The following ASCC1 variants were observed in gnomAD, a reference collection of about 807,000 sequenced individuals.
ASCC1 encodes the protein ASC-1 complex subunit P50.
Under a neutral mutation model 46.6 loss-of-function variants are expected in ASCC1, and 35 were observed. The ratio of observed to expected loss-of-function variants is 0.75; its 90% CI spans 0.57 to 0.99. ASCC1 has a LOEUF of 0.99. Among genes scored for constraint, ASCC1 ranks in the 50% least tolerant of loss-of-function variants. The pLI is 0.00. For synonymous variants in ASCC1, 143 were observed against 146.6 expected, an observed-to-expected ratio of 0.98 and a Z score of 0.18; for missense variants, 376 against 428.7, an observed-to-expected ratio of 0.88 and a Z score of 1.09.
chr10:72,138,329 C>T (rs991260024), intron 7 of ASCC1, among the ~76,000 whole-genome samples: 2 of 152,084 alleles, frequency 1.3e-5, no homozygotes, highest in Non-Finnish European at 1.5e-5. Context: ...ACATGAAACA[C>T]GAAGCATGAA....
At chr10:72,138,658 C>T (rs1846576138) in intron 7 of ASCC1, among the ~76,000 whole-genome samples, 1 of 134,800 alleles carries the variant, frequency 7.4e-6, no homozygotes, top group African/African-American at 2.9e-5. Flanking sequence ...GGCTGGAGTG[C>T]AGTGGCGCAA....
At chr10:72,160,077 T>G (rs1849462724) in intron 6 of ASCC1, among the ~76,000 whole-genome samples, 1 of 152,066 alleles carries the variant, frequency 6.6e-6, no homozygotes, top group African/African-American at 2.4e-5. Context: ...GCTAATTTTT[T>G]GCATTTTTAG....
At position 72,163,312 on chromosome 10, in the gene ASCC1, A is replaced by G. The variant is rs1849929447; in HGVS notation, c.490-1638T>C. Among the ~76,000 whole-genome samples, 3 of 152,196 alleles carry G rather than the reference A, an allele frequency of 2.0e-5. No homozygotes were observed. In the South Asian group the frequency reaches 6.2e-4, roughly 31 times the overall value. ...GAAAAAGGGACTCAAATACATGTAC[A>G]TGCATGTTTCCAGAAGCACTACTCA... On this transcript the variant is annotated intron_variant, in intron 5 of 9. Transcript: ENST00000672957.
intron 4 of ASCC1, among the ~76,000 whole-genome samples, chr10:72,197,442 T>G (rs1407938809): frequency 1.7e-5 from 2 of 117,472 alleles, no homozygotes; most frequent in Non-Finnish European, 3.2e-5. Flanking sequence ...CACTCCAGCC[T>G]GGGCAATAGA....
chr10:72,178,679 G>A (rs532564228), intron 5 of ASCC1, among the ~76,000 whole-genome samples: 4 of 152,252 alleles, frequency 2.6e-5, no homozygotes, highest in African/African-American at 4.8e-5. Flanking sequence ...TGGGTCTTCC[G>A]ACCTGCAGTA....
At chr10:72,109,415 T>TTGTAG in intron 9 of ASCC1, among the ~76,000 whole-genome samples, 1 of 152,166 alleles carries the variant, frequency 6.6e-6, no homozygotes, top group Non-Finnish European at 1.5e-5. Flanking sequence ...GAACAGCAAC[T>TTGTAG]TCCCCTCACT....
intron 5 of ASCC1, among the ~76,000 whole-genome samples, chr10:72,187,875 C>T (rs1757950090): frequency 1.3e-5 from 2 of 151,358 alleles, no homozygotes; most frequent in South Asian, 4.2e-4. Context: ...ATCGCTTGAA[C>T]CCAGGAGGCA....
intron 9 of ASCC1, among the ~76,000 whole-genome samples, chr10:72,113,327 T>C (rs1843132431): frequency 6.6e-6 from 1 of 152,190 alleles, no homozygotes; most frequent in Non-Finnish European, 1.5e-5. Context: ...AGTATTCCAG[T>C]CCCACTGCAA....
intron 6 of ASCC1, 29 bp from the exon 7 acceptor site, chr10:72,153,017 A>T: frequency 6.2e-7 from 1 of 1,613,700 alleles, no homozygotes; most frequent in Non-Finnish European, 8.5e-7. Flanking sequence ...TAAGATATCT[A>T]TAACTGTTTA....
At chr10:72,104,024 T>C (rs1842081367) in intron 9 of ASCC1, among the ~76,000 whole-genome samples, 1 of 152,192 alleles carries the variant, frequency 6.6e-6, no homozygotes, top group Admixed American at 6.5e-5. Flanking sequence ...CTCTTATTAA[T>C]CTGACTTTTG....
intron 5 of ASCC1, among the ~76,000 whole-genome samples, chr10:72,185,181 T>C (rs1165854278): frequency 6.6e-6 from 1 of 152,218 alleles, no homozygotes; most frequent in East Asian, 1.9e-4. Context: ...TTTGTAGCAG[T>C]GTAAAAGGGC....
chr10:72,129,042 G>A (rs1389784156), intron 8 of ASCC1, among the ~76,000 whole-genome samples: 1 of 152,016 alleles, frequency 6.6e-6, no homozygotes, highest in East Asian at 1.9e-4. Context: ...AAGTAAGGAG[G>A]GTACTAGGCC....
chr10:72,173,506 T>A (rs1439011739), intron 5 of ASCC1, among the ~76,000 whole-genome samples: 1 of 152,160 alleles, frequency 6.6e-6, no homozygotes, highest in Non-Finnish European at 1.5e-5. Flanking sequence ...AAAGTCCTTT[T>A]TGGAATTATG....
At chr10:72,214,155 C>T (rs920116724) in intron 1 of ASCC1, among the ~76,000 whole-genome samples, 3 of 151,952 alleles carry the variant, frequency 2.0e-5, no homozygotes, top group African/African-American at 7.3e-5. Flanking sequence ...GAGTTTGAAA[C>T]CAGCCTGGGC....
At chr10:72,110,145 T>C (rs983036658) in intron 9 of ASCC1, among the ~76,000 whole-genome samples, 4 of 152,160 alleles carry the variant, frequency 2.6e-5, no homozygotes, top group African/African-American at 9.7e-5. Flanking sequence ...TTCTCTCCCT[T>C]AGAAAAATAC....
chr10:72,199,404 T>C (rs1856158825), intron 4 of ASCC1, among the ~76,000 whole-genome samples: 1 of 147,364 alleles, frequency 6.8e-6, no homozygotes, highest in African/African-American at 2.5e-5. Flanking sequence ...TTCAAGCAAC[T>C]CTCCTGCCTC....
At chr10:72,204,326 C>T in intron 3 of ASCC1, 1 of 1,415,556 alleles carries the variant, frequency 7.1e-7, no homozygotes, top group South Asian at 1.3e-5. Context: ...CAGCGAGCTA[C>T]AGCCAACTCT....
At chr10:72,194,941 C>T (rs1422386076) in intron 5 of ASCC1, among the ~76,000 whole-genome samples, 2 of 151,822 alleles carry the variant, frequency 1.3e-5, no homozygotes, top group African/African-American at 2.4e-5. Flanking sequence ...GGGGTTTCTC[C>T]ATGTTGGTCA....
At chr10:72,101,421 G>C (rs1025724079) in intron 9 of ASCC1, among the ~76,000 whole-genome samples, 3 of 152,164 alleles carry the variant, frequency 2.0e-5, no homozygotes, top group Non-Finnish European at 4.4e-5. Flanking sequence ...ACCTAGGAAA[G>C]CCATCTGGAG....
Sources: gnomAD v4.1 joint callset for allele counts (sites outside exome capture counted in the v4.1 genomes callset) on GRCh38, gnomAD v4.1.1 for gene constraint, MANE v1.5 for transcripts, NCBI Gene and HGNC (gene_info 2026-07-23, HGNC 2026-07-21) for gene names.